ITGA2: variants seen among roughly 807,000 people sequenced by gnomAD.
ITGA2 encodes integrin alpha-2.
Under a neutral mutation model 146.3 loss-of-function variants are expected in ITGA2, and 101 were observed. The ratio of observed to expected loss-of-function variants is 0.69; its 90% CI spans 0.59 to 0.81. The LOEUF is 0.81. Ranked by LOEUF, ITGA2 falls within the 40% of genes least tolerant of loss-of-function variation. ITGA2 has a pLI of 0.00. For synonymous variants in ITGA2, 477 were observed against 487.1 expected (o/e 0.98, Z 0.27); for missense variants, 1,281 against 1,402.7 (o/e 0.91, Z 1.39).
chr5:53,090,225 C>T lies in ITGA2; in HGVS notation c.3465+163C>T, dbSNP rs3212646. Among the ~76,000 whole-genome samples the T allele has an allele frequency of 4.1e-3, 620 of 152,298 alleles. 3 individuals are homozygous for T. The highest frequency in any genetic ancestry group is 0.014 in the African/African-American group (585 of 41,558). On this transcript the variant is annotated intron_variant, in intron 29 of 29. Coordinates refer to ENST00000296585, the MANE Select transcript of ITGA2 (RefSeq NM_002203.4). ...TCTTACTCATGTCATTAAAAACAAC[C>T]AGTAAGGATTTTTCTTCTTTTAAAC...
intron 1 of ITGA2, among the ~76,000 whole-genome samples, chr5:52,997,741 C>T (rs1741344441): frequency 6.6e-6 from 1 of 152,286 alleles, no homozygotes; most frequent in South Asian, 2.1e-4. Context: ...CAGTTGCCTT[C>T]GAGTCCTTTA....
chr5:53,084,867 C>A (rs1746085145), intron 27 of ITGA2, among the ~76,000 whole-genome samples: 1 of 152,204 alleles, frequency 6.6e-6, no homozygotes, highest in Non-Finnish European at 1.5e-5. Flanking sequence ...TTTAAGACTA[C>A]ATCACTTTAA....
intron 12 of ITGA2, 53 bp from the exon 13 acceptor site, chr5:53,062,733 T>C (rs1055095468): frequency 2.6e-6 from 4 of 1,559,918 alleles, no homozygotes; most frequent in African/African-American, 2.7e-5. Context: ...AGTGTAATAT[T>C]AGAAGTATAT....
chr5:53,085,680 A>G (rs948393762), intron 27 of ITGA2, among the ~76,000 whole-genome samples: 12 of 152,164 alleles, frequency 7.9e-5, no homozygotes, highest in African/African-American at 2.7e-4. Context: ...TAAATTGCTC[A>G]GTTTTTGGAA....
intron 2 of ITGA2, among the ~76,000 whole-genome samples, chr5:53,036,991 A>T (rs1167813748): frequency 6.6e-6 from 1 of 152,206 alleles, no homozygotes; most frequent in Non-Finnish European, 1.5e-5. Context: ...TTTTAAGTAC[A>T]TCTCTGTCAG....
Position 53,067,391 on chromosome 5 carries a change from G to A in ITGA2, c.2083+134G>A. ...ATAGACACTTAAGTTTCCTTACACT[G>A]GAGATGCCCGAGAATGGTTCACTAG... is the stretch of plus-strand genomic sequence containing the variant. On this transcript the variant is annotated intron_variant, in intron 16 of 29. Transcript: ENST00000296585. 8 of 893,858 alleles carry A rather than the reference G, an allele frequency of 8.9e-6. No homozygotes were observed. In the Admixed American group the frequency reaches 1.6e-4, roughly 18 times the overall value. The allele number at this position is 893,858 out of a possible 1,614,324, so 55.4% of individuals were successfully genotyped here. A position where few individuals can be genotyped will look rare whatever the true frequency, so the allele number is the denominator to read the frequency against.
At chr5:53,057,664 G>C (rs748129373) in intron 9 of ITGA2, among the ~76,000 whole-genome samples, 1 of 151,892 alleles carries the variant, frequency 6.6e-6, no homozygotes, top group Non-Finnish European at 1.5e-5. Flanking sequence ...AGCTAGTAAT[G>C]ATCAAGTTTT....
At chr5:53,075,416 G>A (rs899815008) in intron 23 of ITGA2, 112 bp downstream of exon 23, 5 of 851,060 alleles carry the variant, frequency 5.9e-6, no homozygotes, top group Non-Finnish European at 9.8e-6. Context: ...TGAAGAATTT[G>A]AATTAAAATT....
intron 2 of ITGA2, among the ~76,000 whole-genome samples, chr5:53,031,012 A>G (rs774458083): frequency 6.6e-6 from 1 of 152,228 alleles, no homozygotes; most frequent in Admixed American, 6.5e-5. Flanking sequence ...AGAGTGGGCC[A>G]TGTTAGGACA....
chr5:52,994,682 G>A (rs911955764), intron 1 of ITGA2, among the ~76,000 whole-genome samples: 1 of 152,136 alleles, frequency 6.6e-6, no homozygotes, highest in African/African-American at 2.4e-5. Flanking sequence ...TTGAACTTCT[G>A]AATTATTGGA....
chr5:53,063,573 AC>A (rs1185847657), intron 13 of ITGA2, among the ~76,000 whole-genome samples: 2 of 151,904 alleles, frequency 1.3e-5, no homozygotes, highest in African/African-American at 4.8e-5. Flanking sequence ...AAAAAAGAAA[AC>A]CAAATTAAAG....
At chr5:53,089,759 G>T (rs549129885) in intron 28 of ITGA2, among the ~76,000 whole-genome samples, 187 bp from the exon 29 acceptor site, 1 of 152,324 alleles carries the variant, frequency 6.6e-6, no homozygotes, top group African/African-American at 2.4e-5. Context: ...TTTTTAGCTG[G>T]TTGGACTTTG....
At position 53,065,997 on chromosome 5, in the gene ITGA2, A is replaced by T; in HGVS notation, c.1943+20A>T. 6.2e-7 allele frequency: 1 copy of T among 1,610,670 alleles called. No individual in the cohort carries two copies. The highest frequency in any genetic ancestry group is 8.5e-7 in the Non-Finnish European group (1 of 1,177,482). On this transcript the variant is annotated intron_variant, in intron 15 of 29. Coordinates refer to ENST00000296585, the MANE Select transcript of ITGA2 (RefSeq NM_002203.4). The stretch of plus-strand genomic sequence containing the variant: ...ACTCTGGTGAGTCAGGAAGAGCCAG[A>T]CACAAACTAACTAAAAATTACCTGC...
At position 53,060,951 on chromosome 5, in the gene ITGA2, G is replaced by A. The variant is rs781467573; in HGVS notation, c.1363G>A (p.Gly455Ser). 4.3e-5 allele frequency: 69 copies of A among 1,612,286 alleles called. 1 individual carries two copies. In the South Asian group the frequency reaches 7.4e-4, roughly 17 times the overall value. ...TGGAGAAAGCACTCACTTTGTTGCTGGTGCTCCTCGGGCAAATTATACCGG... is the reference window on the plus strand; with the variant it reads ...TGGAGAAAGCACTCACTTTGTTGCTAGTGCTCCTCGGGCAAATTATACCGG... ...STGESTHFVAGAPRANYTGQI... is the reference protein window; with the variant it reads ...STGESTHFVASAPRANYTGQI... The change falls in exon 12 of 30, where the codon GGT (glycine) becomes AGT (serine). Residue 455 changes from glycine (G) to serine (S), a missense_variant. Around this residue, in one of 3 missense-constraint regions of ITGA2, gnomAD observed 795 missense variants for 841.7 expected, o/e 0.94. Coordinates refer to ENST00000296585, the MANE Select transcript of ITGA2 (RefSeq NM_002203.4).
In ITGA2 at chr5:53,091,144, TC is replaced by T. The variant is rs1740400590; in HGVS notation, c.*547del. On this transcript the variant is annotated 3_prime_UTR_variant, in exon 30 of 30. Coordinates refer to ENST00000296585, the MANE Select transcript of ITGA2 (RefSeq NM_002203.4). ...ATCCAAAGTTGCCACAGATGATACT[TC>T]CAAGTGATAATTTTATTTATAAACT... 1 of 177,782 alleles carries T rather than the reference TC, an allele frequency of 5.6e-6. No homozygotes were observed. The highest frequency in any genetic ancestry group is 1.2e-5 in the Non-Finnish European group (1 of 83,940). 11.0% of individuals were successfully genotyped at this position (177,782 alleles called of 1,614,324 possible). A position where few individuals can be genotyped will look rare whatever the true frequency, so the allele number is the denominator to read the frequency against.
intron 24 of ITGA2, among the ~76,000 whole-genome samples, chr5:53,079,240 T>G (rs1314080783): frequency 6.6e-6 from 1 of 152,136 alleles, no homozygotes; most frequent in African/African-American, 2.4e-5. Context: ...TTGATATATT[T>G]TGAAGGCAAA....
At position 53,081,598 on chromosome 5, in the gene ITGA2, G is replaced by T; in HGVS notation, c.3046G>T (p.Asp1016Tyr). The T allele has an allele frequency of 6.2e-7, 1 of 1,609,630 alleles. No homozygotes were observed. Among genetic ancestry groups the T allele is most frequent in the South Asian group, 1.1e-5 (1 of 90,908 alleles). Residue 1016 changes from aspartate (D) to tyrosine (Y), a missense_variant, in exon 26 of 30, where the codon GAC (aspartate) becomes TAC (tyrosine). Transcript: ENST00000296585. ...GGGTGTTCTTCTTTTATAGGCTGGT[G>T]ACATCAGTTGTAATGCAGATATCAA... Reference protein sequence around the residue: ...LTGVQTDKAGDISCNADINPL... With the variant: ...LTGVQTDKAGYISCNADINPL...
At chr5:53,046,668 A>T (rs1421934) in intron 4 of ITGA2, among the ~76,000 whole-genome samples, 1 of 151,180 alleles carries the variant, frequency 6.6e-6, no homozygotes, top group Non-Finnish European at 1.5e-5. Flanking sequence ...TTAGCAGTCC[A>T]GGTAGCAAGC....
At chr5:53,046,274 G>T (rs1041709391) in intron 4 of ITGA2, among the ~76,000 whole-genome samples, 3 of 151,168 alleles carry the variant, frequency 2.0e-5, no homozygotes, top group African/African-American at 4.9e-5. Context: ...TGAACCATTG[G>T]CACGCTTTCT....
Sources: gnomAD v4.1 joint callset for allele counts (sites outside exome capture counted in the v4.1 genomes callset) on GRCh38, gnomAD v4.1.1 for gene constraint, gnomAD v4.1.1 regional missense constraint, MANE v1.5 for transcripts, NCBI Gene and HGNC (gene_info 2026-07-23, HGNC 2026-07-21) for gene names.